TNR: variants seen among roughly 807,000 people sequenced by gnomAD.
TNR encodes the protein tenascin-R.
TNR carries 45 observed loss-of-function variants against 150.4 expected under a neutral mutation model. The ratio of observed to expected loss-of-function variants is 0.30; its 90% CI spans 0.24 to 0.38. The LOEUF is 0.38. Among genes scored for constraint, TNR ranks in the 10% least tolerant of loss-of-function variants. The probability of loss-of-function intolerance (pLI) is 1.00; values close to 1 mark genes in which losing one functional copy is unlikely to be tolerated. For synonymous variants in TNR, 687 were observed against 678.4 expected, an observed-to-expected ratio of 1.01 and a Z score of -0.20; for missense variants, 1,544 against 1,759.1, an observed-to-expected ratio of 0.88 and a Z score of 2.19.
At chr1:175,692,296 T>C (rs763132531) in intron 1 of TNR, among the ~76,000 whole-genome samples, 11 of 152,182 alleles carry the variant, frequency 7.2e-5, no homozygotes, top group East Asian at 1.9e-4. Flanking sequence ...CTGGCAATGC[T>C]TGGGACATGG....
At chr1:175,661,512 G>C (rs921905062) in intron 1 of TNR, among the ~76,000 whole-genome samples, 2 of 152,034 alleles carry the variant, frequency 1.3e-5, no homozygotes, top group African/African-American at 2.4e-5. Context: ...GAGAGAAAAG[G>C]GTTTCTAGAC....
intron 1 of TNR, among the ~76,000 whole-genome samples, chr1:175,699,716 G>C (rs1231650161): frequency 6.6e-6 from 1 of 152,106 alleles, no homozygotes; most frequent in Non-Finnish European, 1.5e-5. Context: ...CGACTGACAG[G>C]CTTACAACAG....
At chr1:175,652,253 A>T (rs1230872062) in intron 1 of TNR, among the ~76,000 whole-genome samples, 1 of 150,800 alleles carries the variant, frequency 6.6e-6, no homozygotes, top group Non-Finnish European at 1.5e-5. Flanking sequence ...CCTCGAGTTG[A>T]GAAAACACTT....
intron 15 of TNR, among the ~76,000 whole-genome samples, chr1:175,356,714 T>C (rs1366946393): frequency 6.6e-6 from 1 of 152,024 alleles, no homozygotes; most frequent in Non-Finnish European, 1.5e-5. Flanking sequence ...GTCTCTGGAG[T>C]TATTAAGGAT....
chr1:175,406,185 T>G (rs770656457), intron 3 of TNR, 31 bp downstream of exon 3: 12 of 1,600,334 alleles, frequency 7.5e-6, no homozygotes, highest in Non-Finnish European at 1.7e-6. Flanking sequence ...CTTCCCCTCC[T>G]GAGACCACGC....
chr1:175,619,340 C>T (rs978978546), intron 1 of TNR, among the ~76,000 whole-genome samples: 4 of 152,144 alleles, frequency 2.6e-5, no homozygotes, highest in East Asian at 1.9e-4. Flanking sequence ...CATAAAACTT[C>T]GTGCAGAATG....
intron 1 of TNR, among the ~76,000 whole-genome samples, chr1:175,647,183 G>T (rs550426811): frequency 6.6e-6 from 1 of 152,072 alleles, no homozygotes; most frequent in African/African-American, 2.4e-5. Flanking sequence ...AACTGATTTC[G>T]CCCTGGGTGA....
intron 2 of TNR, among the ~76,000 whole-genome samples, chr1:175,504,772 C>T (rs1658881908): frequency 6.6e-6 from 1 of 152,184 alleles, no homozygotes; most frequent in Non-Finnish European, 1.5e-5. Context: ...GAGCCCTAGT[C>T]CCCAGCACCT....
chr1:175,445,125 C>T (rs962980273), intron 2 of TNR, among the ~76,000 whole-genome samples: 2 of 152,098 alleles, frequency 1.3e-5, no homozygotes, highest in African/African-American at 4.8e-5. Context: ...AAAAAATTAG[C>T]TAGGTGTGGT....
Position 175,386,048 on chromosome 1 carries a change from G to A in TNR, c.1761C>T (p.Thr587=), listed in dbSNP as rs776725577. Residue 587 remains threonine, a synonymous_variant, in exon 8 of 23, where the codon ACC becomes ACT. Coordinates refer to ENST00000367674, the MANE Select transcript of TNR (RefSeq NM_003285.3). ...CAGCCTTACCTGTTGTGAACTGAGTGGTGGCAGAATCGCTCTCGTTGGTCC... is the reference window on the plus strand; with the variant it reads ...CAGCCTTACCTGTTGTGAACTGAGTAGTGGCAGAATCGCTCTCGTTGGTCC... ...VRGTNESDSA[T]TQFTTEIDAP... 7 of 1,597,146 alleles carry A rather than the reference G, an allele frequency of 4.4e-6. No individual in the cohort carries two copies. Among genetic ancestry groups the A allele is most frequent in the Non-Finnish European group, 5.1e-6 (6 of 1,169,698 alleles).
chr1:175,382,849 T>G (rs1271398631), intron 8 of TNR, among the ~76,000 whole-genome samples: 2 of 149,738 alleles, frequency 1.3e-5, no homozygotes, highest in Non-Finnish European at 3.0e-5. Flanking sequence ...TGCAGTGAGC[T>G]GAGACCATGC....
chr1:175,534,339 G>A (rs950991147), intron 1 of TNR, among the ~76,000 whole-genome samples: 5 of 152,204 alleles, frequency 3.3e-5, no homozygotes, highest in African/African-American at 1.2e-4. Context: ...GTCTTCTAGA[G>A]TTTCCTTGGG....
chr1:175,429,423 T>C (rs1290312391), intron 2 of TNR, among the ~76,000 whole-genome samples: 1 of 152,214 alleles, frequency 6.6e-6, no homozygotes, highest in Non-Finnish European at 1.5e-5. Flanking sequence ...CTGACTCCAA[T>C]AGTTGCTCTC....
At chr1:175,517,469 T>C (rs1237583992) in intron 2 of TNR, among the ~76,000 whole-genome samples, 1 of 152,174 alleles carries the variant, frequency 6.6e-6, no homozygotes, top group African/African-American at 2.4e-5. Context: ...CCAGGAAATA[T>C]GCCTTCCCTA....
intron 1 of TNR, among the ~76,000 whole-genome samples, chr1:175,734,100 G>A (rs751470182): frequency 3.9e-5 from 6 of 152,154 alleles, no homozygotes; most frequent in Non-Finnish European, 8.8e-5. Flanking sequence ...GCAATGTCTT[G>A]TTCCTGCAGC....
chr1:175,656,141 AGTGTGTGTGTGTGTGTGTGT>A (rs575020723), intron 1 of TNR, among the ~76,000 whole-genome samples: 308 of 123,936 alleles, frequency 2.5e-3, no homozygotes, highest in African/African-American at 8.7e-3. Flanking sequence ...GGAAGGTTGA[AGTGTGTGTGTGTGTGTGTGT>A]GTGTGTGTGT....
intron 14 of TNR, among the ~76,000 whole-genome samples, chr1:175,362,329 A>C (rs547110922): frequency 2.6e-5 from 4 of 152,320 alleles, no homozygotes; most frequent in African/African-American, 9.6e-5. Flanking sequence ...AAATTTTCTC[A>C]TCTGAGTCTT....
intron 2 of TNR, among the ~76,000 whole-genome samples, chr1:175,423,692 C>T (rs1425767057): frequency 6.6e-6 from 1 of 152,208 alleles, no homozygotes; most frequent in East Asian, 1.9e-4. Context: ...GGACCTGAAG[C>T]TTCAGAGGCA....
In TNR at chr1:175,503,453, AAG is replaced by A. The variant is rs1017408884; in HGVS notation, c.-64+24814_-64+24815del. Among the ~76,000 whole-genome samples, 25 of 152,328 alleles carry A rather than the reference AAG, an allele frequency of 1.6e-4. No homozygotes were observed. In the South Asian group the frequency reaches 2.5e-3, roughly 15 times the overall value. ...TATGAGAGTACTTGGTAAACAGAAA[AAG>A]AGCTGTACAGATGAAAGGTATTATG... On this transcript the variant is annotated intron_variant, in intron 2 of 22. Coordinates refer to ENST00000367674, the MANE Select transcript of TNR (RefSeq NM_003285.3).
Sources: allele counts gnomAD v4.1 joint callset (sites outside exome capture counted in the v4.1 genomes callset), GRCh38; gene constraint gnomAD v4.1.1; transcripts MANE v1.5; gene names NCBI Gene and HGNC (gene_info 2026-07-23, HGNC 2026-07-21).